TOGARAM1: variants seen among roughly 807,000 people sequenced by gnomAD.
The protein encoded by TOGARAM1 is TOG array regulator of axonemal microtubules protein 1.
A neutral mutation model predicts 166.6 loss-of-function variants in TOGARAM1; 100 were observed. That is an observed-to-expected ratio of 0.60 (90% CI 0.51 to 0.71). The LOEUF (loss-of-function observed/expected upper bound fraction) is 0.71, where lower values mean the gene tolerates loss of function less well. Among genes scored for constraint, TOGARAM1 ranks in the 30% least tolerant of loss-of-function variants. The pLI, the probability that TOGARAM1 is intolerant of heterozygous loss-of-function variation, is 0.00. For missense variants in TOGARAM1, 2,029 were observed against 2,102.7 expected (o/e 0.96, Z 0.69); for synonymous variants, 758 against 763.8 (o/e 0.99, Z 0.13).
chr14:45,035,645 G>A (rs578140437), intron 11 of TOGARAM1, among the ~76,000 whole-genome samples: 81 of 152,048 alleles, frequency 5.3e-4, no homozygotes, highest in African/African-American at 1.9e-3. Context: ...AATTAGGGAT[G>A]GAGAAAATCT....
rs545418226 is a variant in TOGARAM1 at position 45,037,049 on chromosome 14, GCCCC to G, written c.3812+4675_3812+4678del. 3.6e-3 allele frequency among the ~76,000 whole-genome samples: 546 copies of G among 152,152 alleles called. 3 individuals carry two copies. Among genetic ancestry groups the G allele is most frequent in the African/African-American group, 0.013 (528 of 41,504 alleles). On this transcript the variant is annotated intron_variant, in intron 11 of 19. Transcript: ENST00000361462. Reference sequence around the variant, plus strand: ...CATGAGAATAGCATGGGAAAGACTGGCCCCCATGATTCAGTTACCTCCCTGTGGT... The same window carrying G: ...CATGAGAATAGCATGGGAAAGACTGGCATGATTCAGTTACCTCCCTGTGGT...
chr14:45,000,452 A>G (rs1001168237), intron 3 of TOGARAM1, among the ~76,000 whole-genome samples: 11 of 152,044 alleles, frequency 7.2e-5, no homozygotes, highest in Non-Finnish European at 1.6e-4. Flanking sequence ...AGAACATGCA[A>G]TATTTGTCTT....
chr14:45,071,617 A>C (rs1883385840), intron 18 of TOGARAM1, 95 bp from the exon 19 acceptor site: 1 of 760,960 alleles, frequency 1.3e-6, no homozygotes, highest in Non-Finnish European at 2.1e-6. Context: ...TGCATCCTAG[A>C]AGTGATTTTT....
intron 1 of TOGARAM1, among the ~76,000 whole-genome samples, chr14:44,991,108 AACACCAGG>A (rs1887105891): frequency 6.6e-6 from 1 of 151,538 alleles, no homozygotes; most frequent in South Asian, 2.1e-4. Flanking sequence ...ACCGGAATGC[AACACCAGG>A]CCTGGTTAAT....
At chr14:45,041,757 CT>C (rs1031971351) in intron 11 of TOGARAM1, among the ~76,000 whole-genome samples, 2 of 152,068 alleles carry the variant, frequency 1.3e-5, no homozygotes, top group East Asian at 1.9e-4. Flanking sequence ...TCAGGGTTGA[CT>C]TTTTTTTGTC....
intron 14 of TOGARAM1, 120 bp from the exon 15 acceptor site, chr14:45,052,316 G>A (rs984899480): frequency 9.5e-6 from 7 of 734,524 alleles, no homozygotes; most frequent in Non-Finnish European, 1.5e-5. Context: ...ATTTAATATA[G>A]GGATGGTAAT....
intron 14 of TOGARAM1, among the ~76,000 whole-genome samples, chr14:45,050,651 G>T (rs963700776): frequency 6.6e-6 from 1 of 151,634 alleles, no homozygotes; most frequent in Non-Finnish European, 1.5e-5. Flanking sequence ...CCAAGACTCT[G>T]TCACCCAGGC....
rs537420885 is a variant in TOGARAM1 at position 45,046,619 on chromosome 14, G to A, written c.4229G>A (p.Arg1410His). 8.5e-5 allele frequency: 120 copies of A among 1,419,516 alleles called. No homozygotes were observed. In the African/African-American group the frequency reaches 1.5e-3, roughly 17 times the overall value. The allele number at this position is 1,419,516 out of a possible 1,614,324, so 87.9% of individuals were successfully genotyped here. ...GTATTGGAATTTATGGAACCAGAACGTATTTTATCTGCAGCAAAGGATATG... is the reference window on the plus strand; with the variant it reads ...GTATTGGAATTTATGGAACCAGAACATATTTTATCTGCAGCAAAGGATATG... ...SDVLEFMEPE[R>H]ILSAAKDMAE... The change falls in exon 14 of 20, where the codon CGT (arginine) becomes CAT (histidine). Residue 1410 changes from arginine (R) to histidine (H), a missense_variant. Arg to His is a conservative substitution (Grantham distance 29). Coordinates refer to ENST00000361462, the MANE Select transcript of TOGARAM1 (RefSeq NM_001308120.2).
chr14:44,992,166 A>G (rs190374738), intron 1 of TOGARAM1, among the ~76,000 whole-genome samples: 1 of 151,618 alleles, frequency 6.6e-6, no homozygotes, highest in South Asian at 2.1e-4. Flanking sequence ...CATGGGAAGT[A>G]CTTTTATTAT....
chr14:44,967,585 A>C (rs1885627978), intron 1 of TOGARAM1, among the ~76,000 whole-genome samples: 1 of 152,238 alleles, frequency 6.6e-6, no homozygotes, highest in East Asian at 1.9e-4. Flanking sequence ...AGTGAATTTC[A>C]GACTAAAGGA....
chr14:45,051,590 C>T (rs149573514), intron 14 of TOGARAM1, among the ~76,000 whole-genome samples: 1,362 of 133,492 alleles, frequency 0.01, 27 homozygotes, highest in African/African-American at 0.037. Flanking sequence ...GACGCAGTCT[C>T]ACTCTGTTGC....
chr14:44,973,795 GTT>G (rs1401948480), intron 1 of TOGARAM1, among the ~76,000 whole-genome samples: 1 of 146,222 alleles, frequency 6.8e-6, no homozygotes, highest in Admixed American at 6.8e-5. Flanking sequence ...AAATTGATGG[GTT>G]TTTTTTTTCT....
chr14:45,036,130 TAAAAAAAAAA>T (rs770145117), intron 11 of TOGARAM1, among the ~76,000 whole-genome samples: 1 of 29,156 alleles, frequency 3.4e-5, no homozygotes, highest in African/African-American at 8.3e-5. Flanking sequence ...ACCTTGTCTC[TAAAAAAAAAA>T]AAAAAAAAAA....
At chr14:44,992,611 C>CTTTTTT (rs376434047) in intron 1 of TOGARAM1, among the ~76,000 whole-genome samples, 23 of 91,304 alleles carry the variant, frequency 2.5e-4, no homozygotes, top group Non-Finnish European at 3.0e-4. Flanking sequence ...TTTTTGTAAT[C>CTTTTTT]TTTTTTTTTT....
Position 45,031,342 on chromosome 14 carries a change from C to G in TOGARAM1, c.3659-881C>G, listed in dbSNP as rs189403881. 1.2e-3 allele frequency among the ~76,000 whole-genome samples: 176 copies of G among 152,294 alleles called. 1 individual carries two copies. Among genetic ancestry groups the G allele is most frequent in the African/African-American group, 4.0e-3 (166 of 41,566 alleles). On this transcript the variant is annotated intron_variant, in intron 10 of 19. Transcript: ENST00000361462. ...TCTCAAGGATATTATCCTGAGCACT[C>G]AAAGAGGATGATTTGTTTTCTCAGC...
chr14:44,976,990 C>T (rs560962900), intron 1 of TOGARAM1, among the ~76,000 whole-genome samples: 6 of 152,038 alleles, frequency 3.9e-5, no homozygotes, highest in Admixed American at 6.6e-5. Flanking sequence ...AAATTGCTAA[C>T]GATTAAAAGC....
chr14:44,991,962 G>C (rs1285163720), intron 1 of TOGARAM1, among the ~76,000 whole-genome samples: 1 of 149,236 alleles, frequency 6.7e-6, no homozygotes, highest in Non-Finnish European at 1.5e-5. Flanking sequence ...TTATAGCCAG[G>C]CATGGTGGTG....
chr14:44,989,388 A>G (rs1008804698), intron 1 of TOGARAM1, among the ~76,000 whole-genome samples: 3 of 152,220 alleles, frequency 2.0e-5, no homozygotes, highest in African/African-American at 7.2e-5. Flanking sequence ...GTAGAAATCA[A>G]AGAAAACTGA....
intron 14 of TOGARAM1, among the ~76,000 whole-genome samples, chr14:45,050,309 G>C (rs940339595): frequency 3.3e-5 from 5 of 152,164 alleles, no homozygotes; most frequent in South Asian, 2.1e-4. Context: ...CTGGAGTACA[G>C]TGGTATAATC....
Sources: gnomAD v4.1 joint callset for allele counts (sites outside exome capture counted in the v4.1 genomes callset) on GRCh38, gnomAD v4.1.1 for gene constraint, MANE v1.5 for transcripts, NCBI Gene and HGNC (gene_info 2026-07-23, HGNC 2026-07-21) for gene names.